Variants in MAMLD1 observed in about 807,000 individuals in gnomAD.
MAMLD1 encodes the protein mastermind like domain containing 1, also known as mastermind-like domain-containing protein 1.
Under a neutral mutation model 45.0 loss-of-function variants are expected in MAMLD1, and 14 were observed. The ratio of observed to expected loss-of-function variants is 0.31; its 90% CI spans 0.21 to 0.49. The LOEUF (loss-of-function observed/expected upper bound fraction) is 0.49, where lower values mean the gene tolerates loss of function less well. Ranked by LOEUF, MAMLD1 falls within the 20% of genes least tolerant of loss-of-function variation. The pLI, the probability that MAMLD1 is intolerant of heterozygous loss-of-function variation, is 0.99. For missense variants in MAMLD1, 543 were observed against 603.6 expected, an observed-to-expected ratio of 0.90 and a Z score of 1.05; for synonymous variants, 254 against 247.8, an observed-to-expected ratio of 1.02 and a Z score of -0.24.
At chrX:150,493,649 A>G (rs1557408072) in intron 5 of MAMLD1, among the ~76,000 whole-genome samples, 1 of 111,751 alleles carries the variant, frequency 8.9e-6, no homozygotes, top group African/African-American at 3.3e-5. Flanking sequence ...AATAGACCCT[A>G]GGCTCTGGCA....
At chrX:150,422,020 C>T (rs2034534241) in intron 1 of MAMLD1, among the ~76,000 whole-genome samples, 1 of 112,285 alleles carries the variant, frequency 8.9e-6, no homozygotes, top group African/African-American at 3.2e-5. Flanking sequence ...ATGATGCCAG[C>T]TGGCAAGCCT....
intron 1 of MAMLD1, among the ~76,000 whole-genome samples, chrX:150,398,606 CTT>C (rs1250443102): frequency 1.8e-5 from 2 of 111,216 alleles, no homozygotes; most frequent in Non-Finnish European, 3.8e-5. Flanking sequence ...CTACTAAGCA[CTT>C]GACACAATTG....
chrX:150,367,199 G>A (rs1238755163), intron 1 of MAMLD1, among the ~76,000 whole-genome samples: 2 of 106,397 alleles, frequency 1.9e-5, no homozygotes, highest in African/African-American at 3.5e-5. Flanking sequence ...CAGTGACACA[G>A]ATGTGTGGGT....
intron 6 of MAMLD1, among the ~76,000 whole-genome samples, chrX:150,506,832 C>T (rs1185089944): frequency 8.9e-6 from 1 of 112,483 alleles, no homozygotes; most frequent in Non-Finnish European, 1.9e-5. Context: ...GGCTCTTTCC[C>T]CTCTCTCCTG....
chrX:150,424,261 G>C (rs1557403715), intron 1 of MAMLD1, among the ~76,000 whole-genome samples: 1 of 112,735 alleles, frequency 8.9e-6, no homozygotes, highest in Non-Finnish European at 1.9e-5. Context: ...GGGATTATGG[G>C]ATACCTGTAC....
chrX:150,406,227 T>A (rs1182758262), intron 1 of MAMLD1, among the ~76,000 whole-genome samples: 1 of 109,448 alleles, frequency 9.1e-6, no homozygotes, highest in Non-Finnish European at 1.9e-5. Flanking sequence ...TATTATTGCC[T>A]CCATTTTACA....
At chrX:150,404,434 T>C (rs1454181234) in intron 1 of MAMLD1, among the ~76,000 whole-genome samples, 1 of 111,914 alleles carries the variant, frequency 8.9e-6, no homozygotes, top group Non-Finnish European at 1.9e-5. Context: ...AGCATGTTAG[T>C]ACATTATATA....
intron 5 of MAMLD1, among the ~76,000 whole-genome samples, chrX:150,481,272 A>G (rs1183267321): frequency 8.9e-6 from 1 of 112,648 alleles, no homozygotes; most frequent in Non-Finnish European, 1.9e-5. Context: ...CAGACAATGC[A>G]CTCCACTATA....
At chrX:150,380,980 G>A (rs2032578382) in intron 1 of MAMLD1, among the ~76,000 whole-genome samples, 1 of 111,047 alleles carries the variant, frequency 9.0e-6, no homozygotes, top group Non-Finnish European at 1.9e-5. Context: ...GGGATTATAG[G>A]CATGAGCCAC....
At position 150,512,558 on chromosome X, in the gene MAMLD1, G is replaced by C; in HGVS notation, c.*599G>C. ...ATCTGATTGGGAGGCACAAGTGCCCGCTGCGATGGGAACACAAGTGCCCCT... is the reference window on the plus strand; with the variant it reads ...ATCTGATTGGGAGGCACAAGTGCCCCCTGCGATGGGAACACAAGTGCCCCT... On this transcript the variant is annotated 3_prime_UTR_variant, in exon 8 of 8. Coordinates refer to ENST00000370401, the MANE Select transcript of MAMLD1 (RefSeq NM_005491.5). 7 of 1,155,714 alleles carry C rather than the reference G, an allele frequency of 6.1e-6. No homozygotes were observed. Among genetic ancestry groups the C allele is most frequent in the Non-Finnish European group, 8.0e-6 (7 of 872,724 alleles).
At chrX:150,416,842 T>A in intron 1 of MAMLD1, among the ~76,000 whole-genome samples, 1 of 112,307 alleles carries the variant, frequency 8.9e-6, no homozygotes, top group East Asian at 2.8e-4. Flanking sequence ...AAAGCACATT[T>A]TCTTCACATG....
chrX:150,428,326 C>T (rs982755852), intron 1 of MAMLD1, among the ~76,000 whole-genome samples: 3 of 112,185 alleles, frequency 2.7e-5, no homozygotes, highest in Non-Finnish European at 5.6e-5. Flanking sequence ...TACTTGAGGA[C>T]GCAGGCATTT....
intron 1 of MAMLD1, among the ~76,000 whole-genome samples, chrX:150,397,003 G>A (rs2033444710): frequency 8.9e-6 from 1 of 111,771 alleles, no homozygotes; most frequent in Admixed American, 9.5e-5. Flanking sequence ...TTTAAATTGT[G>A]GTAAAATGCA....
chrX:150,450,347 T>C (rs921783245), intron 2 of MAMLD1, among the ~76,000 whole-genome samples: 12 of 111,928 alleles, frequency 1.1e-4, no homozygotes, highest in Non-Finnish European at 1.9e-5. Flanking sequence ...GATTTACAGC[T>C]TTGAGTCTTT....
At chrX:150,465,316 C>G (rs1557405834) in intron 3 of MAMLD1, among the ~76,000 whole-genome samples, 1 of 112,200 alleles carries the variant, frequency 8.9e-6, no homozygotes, top group Non-Finnish European at 1.9e-5. Flanking sequence ...TGGACTAGAA[C>G]TATAGAAAGG....
At chrX:150,448,373 G>C (rs1481459422) in intron 2 of MAMLD1, among the ~76,000 whole-genome samples, 1 of 112,146 alleles carries the variant, frequency 8.9e-6, no homozygotes, top group African/African-American at 3.2e-5. Flanking sequence ...GAGACTCAGA[G>C]AGATTAAGCA....
intron 2 of MAMLD1, among the ~76,000 whole-genome samples, chrX:150,448,425 G>A (rs1465246574): frequency 9.0e-6 from 1 of 111,696 alleles, no homozygotes; most frequent in Non-Finnish European, 1.9e-5. Flanking sequence ...CAAACTCAGA[G>A]GCCAATGTCA....
intron 5 of MAMLD1, among the ~76,000 whole-genome samples, chrX:150,474,118 C>T (rs373211304): frequency 8.9e-6 from 1 of 111,830 alleles, no homozygotes; most frequent in Non-Finnish European, 1.9e-5. Context: ...GGCCTGTGCC[C>T]AGGGGCCAGG....
chrX:150,470,929 T>C lies in MAMLD1; in HGVS notation c.1356T>C (p.Pro452=). 1 of 1,211,728 alleles carries C rather than the reference T, an allele frequency of 8.3e-7. No individual in the cohort carries two copies. Among genetic ancestry groups the C allele is most frequent in the Non-Finnish European group, 1.1e-6 (1 of 895,528 alleles). Residue 452 remains proline (P), a synonymous_variant, in exon 4 of 8, where the codon CCT becomes CCC. Transcript: ENST00000370401. ...TGTCTGCTCTGCCTGCCAGCAACCCTGGGCCGTCCCCACCCTATCGCCCAG... is the reference window on the plus strand; with the variant it reads ...TGTCTGCTCTGCCTGCCAGCAACCCCGGGCCGTCCCCACCCTATCGCCCAG... ...HLMSALPASN[P]GPSPPYRPEK...
Sources: allele counts gnomAD v4.1 joint callset (sites outside exome capture counted in the v4.1 genomes callset), GRCh38; gene constraint gnomAD v4.1.1; transcripts MANE v1.5; gene names NCBI Gene and HGNC (gene_info 2026-07-23, HGNC 2026-07-21).